COBL: variants seen among roughly 807,000 people sequenced by gnomAD.
COBL encodes the protein cordon-bleu WH2 repeat protein.
A neutral mutation model predicts 98.8 loss-of-function variants in COBL; 51 were observed. That is an observed-to-expected ratio of 0.52 (90% CI 0.41 to 0.65). The LOEUF (loss-of-function observed/expected upper bound fraction) is 0.65, where lower values mean the gene tolerates loss of function less well. Ranked by LOEUF, COBL falls within the 30% of genes least tolerant of loss-of-function variation. COBL has a pLI of 0.00. For synonymous variants in COBL, 634 were observed against 651.7 expected, an observed-to-expected ratio of 0.97 and a Z score of 0.41; for missense variants, 1,617 against 1,617.5, an observed-to-expected ratio of 1.00 and a Z score of 0.01.
intron 5 of COBL, among the ~76,000 whole-genome samples, chr7:51,164,633 A>G (rs1009523211): frequency 6.6e-6 from 1 of 152,132 alleles, no homozygotes; most frequent in African/African-American, 2.4e-5. Context: ...AATCAGAAAA[A>G]AACAGACATT....
In COBL at chr7:51,155,076, G is replaced by A. The variant is rs1260725238; in HGVS notation, c.784-18745C>T. On this transcript the variant is annotated intron_variant, in intron 5 of 12. Transcript: ENST00000265136. ...CATAGAGCTTAAATTCACTTCACCT[G>A]TTTGCTTCCAATTAACTCCAATGTT... Among the ~76,000 whole-genome samples, 5 of 152,126 alleles carry A rather than the reference G, an allele frequency of 3.3e-5. No homozygotes were observed. The South Asian group carries it at 1.0e-3, about 32-fold the overall frequency.
chr7:51,127,257 C>CA (rs1798302022), intron 6 of COBL, among the ~76,000 whole-genome samples: 1 of 152,192 alleles, frequency 6.6e-6, no homozygotes, highest in Non-Finnish European at 1.5e-5. Context: ...GAGCTACACC[C>CA]AGAGTCCGGT....
At position 51,178,150 on chromosome 7, in the gene COBL, C is replaced by T. The variant is rs1351494011; in HGVS notation, c.783+5952G>A. Among the ~76,000 whole-genome samples the T allele has an allele frequency of 3.3e-5, 5 of 151,778 alleles. 1 individual carries two copies. Among genetic ancestry groups the T allele is most frequent in the South Asian group, 4.2e-4 (2 of 4,794 alleles). ...AACAAGAGTGAAACACACTCTCTCA[C>T]TCTCTGTCTCTCTCTCTCCCTCTCT... On this transcript the variant is annotated intron_variant, in intron 5 of 12. Transcript: ENST00000265136.
At chr7:51,172,628 A>G in intron 5 of COBL, 1 of 796,860 alleles carries the variant, frequency 1.3e-6, no homozygotes, top group Non-Finnish European at 1.7e-6. Context: ...CAGTGTGGCC[A>G]CAAGGCAGCA....
At chr7:51,146,035 G>A (rs1785000519) in intron 5 of COBL, among the ~76,000 whole-genome samples, 1 of 152,112 alleles carries the variant, frequency 6.6e-6, no homozygotes, top group South Asian at 2.1e-4. Context: ...TCTCTCTTAA[G>A]GAACAGTGCC....
chr7:51,261,796 CCT>C (rs1797742775), intron 1 of COBL, among the ~76,000 whole-genome samples: 1 of 152,128 alleles, frequency 6.6e-6, no homozygotes, highest in South Asian at 2.1e-4. Context: ...CGTGAAACCC[CCT>C]CTCTACAAAA....
At chr7:51,120,447 T>C (rs900269506) in intron 6 of COBL, among the ~76,000 whole-genome samples, 1 of 152,196 alleles carries the variant, frequency 6.6e-6, no homozygotes, top group Non-Finnish European at 1.5e-5. Context: ...TTAAAGGAAG[T>C]GGTTAAATAA....
At chr7:51,229,184 T>C (rs906775958) in intron 1 of COBL, among the ~76,000 whole-genome samples, 1 of 152,180 alleles carries the variant, frequency 6.6e-6, no homozygotes, top group East Asian at 1.9e-4. Context: ...AGTGAAGCAG[T>C]GCCCTGAGAA....
At chr7:51,291,849 G>C (rs1265877674) in intron 1 of COBL, among the ~76,000 whole-genome samples, 2 of 152,046 alleles carry the variant, frequency 1.3e-5, no homozygotes, top group Non-Finnish European at 1.5e-5. Flanking sequence ...GCCTTAAAAC[G>C]TTCAAGCCAA....
At chr7:51,285,099 A>G (rs1800214221) in intron 1 of COBL, among the ~76,000 whole-genome samples, 2 of 152,024 alleles carry the variant, frequency 1.3e-5, no homozygotes, top group Admixed American at 1.3e-4. Flanking sequence ...GGAGCGTGCC[A>G]GCACACCTGG....
intron 6 of COBL, among the ~76,000 whole-genome samples, chr7:51,124,464 C>T (rs2043732): frequency 0.95 from 144,059 of 152,234 alleles, 68,387 homozygotes; most frequent in African/African-American, 0.99. Flanking sequence ...AAGTGACACC[C>T]TCACCCAGTG....
At chr7:51,269,519 G>T (rs931954463) in intron 1 of COBL, among the ~76,000 whole-genome samples, 2 of 152,218 alleles carry the variant, frequency 1.3e-5, no homozygotes, top group South Asian at 2.1e-4. Flanking sequence ...GGCAGGACGT[G>T]GGGGGCAGAG....
intron 1 of COBL, among the ~76,000 whole-genome samples, chr7:51,273,862 G>C (rs994325768): frequency 6.6e-6 from 1 of 152,076 alleles, no homozygotes; most frequent in Non-Finnish European, 1.5e-5. Flanking sequence ...CCTATTTTAG[G>C]TGTTTATATT....
intron 1 of COBL, among the ~76,000 whole-genome samples, chr7:51,265,920 T>C (rs1798159894): frequency 1.3e-5 from 2 of 152,226 alleles, no homozygotes; most frequent in Admixed American, 6.5e-5. Context: ...CAGCCAGATG[T>C]GATCCAGTGG....
At chr7:51,187,321 T>G (rs1289346580) in intron 4 of COBL, among the ~76,000 whole-genome samples, 1 of 135,586 alleles carries the variant, frequency 7.4e-6, no homozygotes, top group Admixed American at 7.5e-5. Context: ...TATATATATA[T>G]ATATATATAT....
chr7:51,020,348 A>C (rs2128859150), intron 12 of COBL, among the ~76,000 whole-genome samples: 1 of 152,264 alleles, frequency 6.6e-6, no homozygotes, highest in Middle Eastern at 3.4e-3. Flanking sequence ...AAAGTTCCTA[A>C]GGTCAATAGC....
intron 7 of COBL, among the ~76,000 whole-genome samples, chr7:51,077,249 A>G (rs57460046): frequency 0.46 from 70,573 of 152,132 alleles, 16,788 homozygotes; most frequent in Middle Eastern, 0.63. Context: ...AAGACCACAG[A>G]CCTGGGAGCC....
At chr7:51,072,682 A>C (rs190010111) in intron 7 of COBL, 1 of 152,354 alleles carries the variant, frequency 6.6e-6, no homozygotes, top group East Asian at 1.9e-4. Flanking sequence ...TAGAATAATG[A>C]AGAGAACAGA....
Position 51,079,761 on chromosome 7 carries a change from C to T in COBL, c.1096+5405G>A, listed in dbSNP as rs903759313. 2.0e-5 allele frequency among the ~76,000 whole-genome samples: 3 copies of T among 152,210 alleles called. No homozygotes were observed. In the East Asian group the frequency reaches 5.8e-4, roughly 29 times the overall value. On this transcript the variant is annotated intron_variant, in intron 7 of 12. Transcript: ENST00000265136. ...ATCTGCACATGGGCTGGGTGAGCTG[C>T]AGAGCCGGCTGCCGAGAGGTGGCCT...
Sources: gnomAD v4.1 joint callset for allele counts (sites outside exome capture counted in the v4.1 genomes callset) on GRCh38, gnomAD v4.1.1 for gene constraint, MANE v1.5 for transcripts, NCBI Gene and HGNC (gene_info 2026-07-23, HGNC 2026-07-21) for gene names.